The following ITFG2 variants were observed in gnomAD, a reference collection of about 807,000 sequenced individuals.
ITFG2 encodes KICSTOR complex protein ITFG2.
Under a neutral mutation model 54.4 loss-of-function variants are expected in ITFG2, and 36 were observed. That is an observed-to-expected ratio of 0.66 (90% CI 0.51 to 0.87). The LOEUF is 0.87. Ranked by LOEUF, ITFG2 falls within the 40% of genes least tolerant of loss-of-function variation. The pLI is 0.00. For missense variants in ITFG2, 524 were observed against 576.7 expected, an observed-to-expected ratio of 0.91 and a Z score of 0.94; for synonymous variants, 211 against 225.4, an observed-to-expected ratio of 0.94 and a Z score of 0.57.
rs1056939722 is a variant in ITFG2, at chr12:2,858,474, C to A, written n.620+143C>A. 6 of 609,196 alleles carry A rather than the reference C, an allele frequency of 9.8e-6. No homozygotes were observed. The East Asian group carries it at 1.7e-4, about 17-fold the overall frequency. 37.7% of individuals were successfully genotyped at this position (609,196 alleles called of 1,614,324 possible). ...ACTCTTGGGGAACACAAGGTCCCAG[C>A]AGTGGCTAGGGTGTGACTGCTACTT... On this transcript the variant is annotated intron_variant and non_coding_transcript_variant, in intron 3 of 3. Transcript: ENST00000537710.
chr12:2,814,926 A>T (rs1026719752), intron 1 of ITFG2, among the ~76,000 whole-genome samples: 2 of 152,192 alleles, frequency 1.3e-5, no homozygotes, highest in African/African-American at 4.8e-5. Context: ...CTGTGATCTG[A>T]TATTCTCACC....
intron 1 of ITFG2, among the ~76,000 whole-genome samples, chr12:2,814,681 A>C (rs2097917386): frequency 6.7e-6 from 1 of 149,086 alleles, no homozygotes; most frequent in South Asian, 2.2e-4. Flanking sequence ...AAATAGAAAA[A>C]ATTAGCCAGG....
rs563916788 is a variant in ITFG2, at chr12:2,823,053, G to C, written c.1066+142G>C. 3.6e-5 allele frequency: 24 copies of C among 666,662 alleles called. No individual in the cohort carries two copies. In the East Asian group the frequency reaches 5.8e-4, roughly 16 times the overall value. 41.3% of individuals were successfully genotyped at this position (666,662 alleles called of 1,614,324 possible). A position where few individuals can be genotyped will look rare whatever the true frequency, so the allele number is the denominator to read the frequency against. The stretch of plus-strand genomic sequence containing the variant: ...TCTTCATTCACCAGTGAGTTCTTCA[G>C]CTCTTTTGTTTGGGGGTGAGGGGTG... On this transcript the variant is annotated intron_variant, in intron 10 of 11. Coordinates refer to ENST00000228799, the MANE Select transcript of ITFG2 (RefSeq NM_018463.4).
intron 1 of ITFG2, among the ~76,000 whole-genome samples, chr12:2,815,048 A>T (rs1353685594): frequency 6.6e-6 from 1 of 151,502 alleles, no homozygotes; most frequent in Non-Finnish European, 1.5e-5. Context: ...ATCTCGGCTC[A>T]CTGCAACCTC....
chr12:2,842,723 C>A (rs1207202808), intron 2 of ITFG2, among the ~76,000 whole-genome samples: 1 of 152,088 alleles, frequency 6.6e-6, no homozygotes, highest in Non-Finnish European at 1.5e-5. Flanking sequence ...CAGAGTGAGA[C>A]CCTGTCTCAA....
chr12:2,853,801 G>A (rs2098078910), intron 2 of ITFG2, among the ~76,000 whole-genome samples: 1 of 152,038 alleles, frequency 6.6e-6, no homozygotes. Flanking sequence ...GCCGGGAGGG[G>A]GAGCTGCGGG....
At position 2,812,705 on chromosome 12, in the gene ITFG2, G is replaced by A; in HGVS notation, c.-56G>A. 6.7e-7 allele frequency: 1 copy of A among 1,495,144 alleles called. No individual in the cohort carries two copies. The highest frequency in any genetic ancestry group is 1.1e-5 in the South Asian group (1 of 88,116). 92.6% of individuals were successfully genotyped at this position (1,495,144 alleles called of 1,614,324 possible). A position where few individuals can be genotyped will look rare whatever the true frequency, so the allele number is the denominator to read the frequency against. The stretch of plus-strand genomic sequence containing the variant: ...CTTCCGCTCTGGCGGCTGTCGCGAC[G>A]GGGGTTCAGGGAATATTTACTGGGC... On this transcript the variant is annotated 5_prime_UTR_variant, in exon 1 of 12. Coordinates refer to ENST00000228799, the MANE Select transcript of ITFG2 (RefSeq NM_018463.4).
At chr12:2,823,263 C>G (rs1459134791) in intron 10 of ITFG2, among the ~76,000 whole-genome samples, 1 of 152,220 alleles carries the variant, frequency 6.6e-6, no homozygotes, top group Non-Finnish European at 1.5e-5. Flanking sequence ...GTGAAGACAT[C>G]AGGAAGTTCT....
chr12:2,853,027 G>A (rs1048415373), intron 2 of ITFG2, among the ~76,000 whole-genome samples: 9 of 151,078 alleles, frequency 6.0e-5, no homozygotes, highest in African/African-American at 1.2e-4. Context: ...AAAAAAAAAC[G>A]GGGTTAATGA....
chr12:2,827,767 C>G, downstream of ITFG2: 1 of 1,609,384 alleles, frequency 6.2e-7, no homozygotes. This position sits in a 1 kb window ranked among gnomAD's most constrained non-coding sequence, Gnocchi z 4.0. Flanking sequence ...CTCTGCCCAC[C>G]CCATCCCCAG....
At chr12:2,846,505 C>T (rs971498006) in intron 2 of ITFG2, among the ~76,000 whole-genome samples, 13 of 152,140 alleles carry the variant, frequency 8.5e-5, no homozygotes, top group Non-Finnish European at 7.3e-5. Flanking sequence ...AGGAGGCTGC[C>T]TGGCTTTGTG....
At chr12:2,825,702 T>A (rs1288385837), downstream of ITFG2, 2 of 152,452 alleles carry the variant, frequency 1.3e-5, no homozygotes, top group Non-Finnish European at 2.9e-5. Flanking sequence ...TCAAGACTGT[T>A]TCAGCCCAAC....
Position 2,824,078 on chromosome 12 carries a change from C to T in ITFG2, c.1241-12C>T, listed in dbSNP as rs1171726461. Reference sequence around the variant, plus strand: ...ACCCACAGCCTCTTACCCACCCCTTCTTGGCTCTCAGATCCTGACGACCTC... The same window carrying T: ...ACCCACAGCCTCTTACCCACCCCTTTTTGGCTCTCAGATCCTGACGACCTC... On this transcript the variant is annotated splice_polypyrimidine_tract_variant and intron_variant, in intron 11 of 11. Transcript: ENST00000228799. 1.9e-6 allele frequency: 3 copies of T among 1,614,002 alleles called. No homozygotes were observed. The highest frequency in any genetic ancestry group is 1.3e-5 in the African/African-American group (1 of 74,900).
rs1348416768 is a variant in ITFG2, at chr12:2,824,426, A to G, written c.*233A>G. 1 of 568,930 alleles carries G rather than the reference A, an allele frequency of 1.8e-6. No homozygotes were observed. Among genetic ancestry groups the G allele is most frequent in the Non-Finnish European group, 3.3e-6 (1 of 306,648 alleles). 35.2% of individuals were successfully genotyped at this position (568,930 alleles called of 1,614,324 possible). On this transcript the variant is annotated 3_prime_UTR_variant, in exon 12 of 12. Transcript: ENST00000228799. ...GCCCATTTCCTTATGGACCTCACCC[A>G]TCATGCCAGCAGGGTCATAGGACCC...
Position 2,820,723 on chromosome 12 carries a change from G to C in ITFG2, c.547-1G>C. On this transcript the variant is annotated splice_acceptor_variant, in intron 5 of 11. Transcript: ENST00000228799. LOFTEE classifies it high-confidence loss of function. The stretch of plus-strand genomic sequence containing the variant: ...CCCTTTAATCCCATTCCCTGGTGCA[G>C]GTGGACAGCCTCTCAGTGACTCTGG... 1 of 1,611,260 alleles carries C rather than the reference G, an allele frequency of 6.2e-7. No homozygotes were observed. The highest frequency in any genetic ancestry group is 1.1e-5 in the South Asian group (1 of 91,034).
At chr12:2,818,845 C>T (rs529220428) in intron 4 of ITFG2, among the ~76,000 whole-genome samples, 56 of 152,124 alleles carry the variant, frequency 3.7e-4, no homozygotes, top group Middle Eastern at 3.4e-3. Context: ...CGGTGAAACT[C>T]TGTCCCTACT....
intron 6 of ITFG2, 111 bp downstream of exon 6, chr12:2,820,983 A>G (rs2097942231): frequency 1.7e-6 from 2 of 1,162,182 alleles, no homozygotes; most frequent in Non-Finnish European, 1.2e-6. Context: ...TGCCTCATCT[A>G]GGTCCCAACC....
chr12:2,820,993 C>T, intron 6 of ITFG2, 121 bp downstream of exon 6: 1 of 1,054,764 alleles, frequency 9.5e-7, no homozygotes, highest in East Asian at 2.6e-5. Context: ...AGGTCCCAAC[C>T]CAAGCACCTT....
intron 5 of ITFG2, 71 bp from the exon 6 acceptor site, chr12:2,820,653 C>G: frequency 1.1e-6 from 1 of 915,554 alleles, no homozygotes; most frequent in Non-Finnish European, 1.6e-6. Context: ...CACCCACCGC[C>G]CCCTGCCGTT....
Sources: allele counts gnomAD v4.1 joint callset (sites outside exome capture counted in the v4.1 genomes callset), GRCh38; gene constraint gnomAD v4.1.1; non-coding constraint Gnocchi (gnomAD v3.1); transcripts MANE v1.5; gene names NCBI Gene and HGNC (gene_info 2026-07-23, HGNC 2026-07-21).